The following ARHGEF3 variants were observed in gnomAD, a reference collection of about 807,000 sequenced individuals.
ARHGEF3 encodes Rho guanine nucleotide exchange factor 3.
ARHGEF3 carries 28 observed loss-of-function variants against 63.2 expected under a neutral mutation model. The ratio of observed to expected loss-of-function variants is 0.44; its 90% CI spans 0.33 to 0.61. The LOEUF is 0.61. Ranked by LOEUF, ARHGEF3 falls within the 20% of genes least tolerant of loss-of-function variation. The pLI is 0.03. For missense variants in ARHGEF3, 533 were observed against 659.3 expected (o/e 0.81, Z 2.10); for synonymous variants, 266 against 254.2 (o/e 1.05, Z -0.44).
chr3:56,727,669 A>T lies in ARHGEF3; in HGVS notation c.*1601T>A, dbSNP rs936834082. On this transcript the variant is annotated 3_prime_UTR_variant, in exon 10 of 10. Coordinates refer to ENST00000296315, the MANE Select transcript of ARHGEF3 (RefSeq NM_019555.3). ...CTCTGCTTCTGTCTGCAGCAGGTTC[A>T]CTTGCTGTATCAATAACGACTTGAG... The T allele has an allele frequency of 1.3e-5, 2 of 152,590 alleles. No individual in the cohort carries two copies. Among genetic ancestry groups the T allele is most frequent in the Admixed American group, 1.3e-4 (2 of 15,270 alleles). The allele number at this position is 152,590 out of a possible 1,614,324, so 9.5% of individuals were successfully genotyped here. A position where few individuals can be genotyped will look rare whatever the true frequency, so the allele number is the denominator to read the frequency against.
At chr3:56,869,631 GACAA>G (rs2040369393) in intron 4 of ARHGEF3, among the ~76,000 whole-genome samples, 1 of 152,146 alleles carries the variant, frequency 6.6e-6, no homozygotes, top group Non-Finnish European at 1.5e-5. Context: ...AAGAAAAACA[GACAA>G]ACAGCTTCTG....
intron 1 of ARHGEF3, among the ~76,000 whole-genome samples, chr3:56,801,189 C>A (rs368321013): frequency 1.3e-5 from 2 of 152,218 alleles, no homozygotes; most frequent in Non-Finnish European, 2.9e-5. Context: ...TAGGCAGAGG[C>A]GCTGTGTCCT....
intron 4 of ARHGEF3, among the ~76,000 whole-genome samples, chr3:56,830,800 C>T (rs1342049421): frequency 6.6e-6 from 1 of 152,192 alleles, no homozygotes; most frequent in Admixed American, 6.5e-5. Context: ...TCCTCTGCCA[C>T]CAAATCTCTG....
intron 2 of ARHGEF3, among the ~76,000 whole-genome samples, chr3:57,023,714 C>T (rs1229895667): frequency 2.0e-5 from 3 of 152,188 alleles, no homozygotes; most frequent in African/African-American, 7.2e-5. Flanking sequence ...ACACACTGCC[C>T]CTTCCACATG....
rs549886852 is a variant in ARHGEF3, at chr3:56,788,463, A to G, written c.96+13240T>C. On this transcript the variant is annotated intron_variant, in intron 1 of 9. Transcript: ENST00000296315. ...CAGGTCTCAATAAATATTTATGGAC[A>G]ATTAAAGAGCATTAGGGGTCATTTT... is the stretch of plus-strand genomic sequence containing the variant. 2.9e-4 allele frequency among the ~76,000 whole-genome samples: 44 copies of G among 152,346 alleles called. No individual in the cohort carries two copies. The South Asian group carries it at 8.7e-3, about 30-fold the overall frequency.
intron 4 of ARHGEF3, among the ~76,000 whole-genome samples, chr3:56,831,842 T>C (rs2038942303): frequency 6.6e-6 from 1 of 152,216 alleles, no homozygotes; most frequent in African/African-American, 2.4e-5. Flanking sequence ...CTTCCATTTT[T>C]TTCTGGACCT....
At chr3:56,929,215 T>A (rs142993632) in intron 3 of ARHGEF3, among the ~76,000 whole-genome samples, 1 of 152,160 alleles carries the variant, frequency 6.6e-6, no homozygotes, top group Non-Finnish European at 1.5e-5. Context: ...CCTCTTCTAC[T>A]CATTCTGAAC....
chr3:56,861,667 GGGTCGGAAAGGCCT>G (rs1378087699), intron 4 of ARHGEF3, among the ~76,000 whole-genome samples: 2 of 152,026 alleles, frequency 1.3e-5, no homozygotes, highest in Non-Finnish European at 2.9e-5. Context: ...CTGAGGGCTG[GGGTCGGAAAGGCCT>G]GGATCTGCTG....
At chr3:56,969,436 T>C (rs1215043355) in intron 2 of ARHGEF3, among the ~76,000 whole-genome samples, 1 of 152,166 alleles carries the variant, frequency 6.6e-6, no homozygotes, top group Non-Finnish European at 1.5e-5. Flanking sequence ...CATGTAGCAA[T>C]GTGTCTGGCA....
In ARHGEF3 at chr3:56,890,546, G is replaced by T. The variant is rs2041085963; in HGVS notation, c.130-8192C>A. 2.6e-5 allele frequency among the ~76,000 whole-genome samples: 4 copies of T among 152,208 alleles called. No homozygotes were observed. The South Asian group carries it at 8.3e-4, about 32-fold the overall frequency. ...TGATGTTGAGAGTCAGGCAGGGAGG[G>T]TATTAGAGATGGCAGGATCCTGCAG... is the stretch of plus-strand genomic sequence containing the variant. On this transcript the variant is annotated intron_variant, in intron 3 of 12. Coordinates refer to the ARHGEF3 transcript ENST00000338458.
intron 2 of ARHGEF3, among the ~76,000 whole-genome samples, chr3:57,028,553 GA>G (rs1703574485): frequency 1.0e-5 from 1 of 98,162 alleles, no homozygotes; most frequent in Admixed American, 1.1e-4. Context: ...GGGGTGGGGG[GA>G]GGGGGGAGGG....
intron 1 of ARHGEF3, among the ~76,000 whole-genome samples, chr3:57,075,926 C>T (rs1168904493): frequency 6.6e-6 from 1 of 152,236 alleles, no homozygotes; most frequent in Non-Finnish European, 1.5e-5. Flanking sequence ...GCAGACCTCA[C>T]TCCACCCATC....
At chr3:56,802,531 CCCGTATAACCA>C (rs534918083), upstream of ARHGEF3, among the ~76,000 whole-genome samples, 32 of 152,278 alleles carry the variant, frequency 2.1e-4, no homozygotes, top group South Asian at 6.2e-3. Context: ...AATGTAAACA[CCCGTATAACCA>C]CCTCCACAGT....
chr3:56,907,424 T>A (rs1354438751), intron 3 of ARHGEF3, among the ~76,000 whole-genome samples: 2 of 152,178 alleles, frequency 1.3e-5, no homozygotes, highest in Non-Finnish European at 2.9e-5. Context: ...GTTCAACCAT[T>A]ATGGAAATCA....
chr3:56,860,559 A>G lies in ARHGEF3; in HGVS notation c.192+21733T>C, dbSNP rs1312100187. Among the ~76,000 whole-genome samples, 3 of 152,260 alleles carry G rather than the reference A, an allele frequency of 2.0e-5. 1 individual carries two copies. In the East Asian group the frequency reaches 5.8e-4, roughly 29 times the overall value. On this transcript the variant is annotated intron_variant, in intron 4 of 12. Coordinates refer to the ARHGEF3 transcript ENST00000338458. ...AAAATATTCTGAGATATATGTAACC[A>G]GTATAATGTGAAGAGAAAATCACAG... is the stretch of plus-strand genomic sequence containing the variant.
chr3:56,848,504 G>T (rs1341811682), intron 4 of ARHGEF3, among the ~76,000 whole-genome samples: 2 of 152,048 alleles, frequency 1.3e-5, no homozygotes, highest in Non-Finnish European at 2.9e-5. Context: ...ATAAGCAAAG[G>T]ATCTGGTACT....
intron 1 of ARHGEF3, among the ~76,000 whole-genome samples, chr3:56,778,601 C>T (rs1446066716): frequency 2.0e-5 from 3 of 152,192 alleles, no homozygotes; most frequent in South Asian, 2.1e-4. Flanking sequence ...GGCACGATCA[C>T]GACTCACGGC....
chr3:56,987,127 C>A (rs1371818259), intron 2 of ARHGEF3, among the ~76,000 whole-genome samples: 1 of 152,148 alleles, frequency 6.6e-6, no homozygotes, highest in Non-Finnish European at 1.5e-5. Flanking sequence ...TGGGAGGATC[C>A]TTTGAGCCCA....
At chr3:56,759,318 C>T (rs1310144884) in intron 2 of ARHGEF3, among the ~76,000 whole-genome samples, 1 of 151,852 alleles carries the variant, frequency 6.6e-6, no homozygotes, top group Non-Finnish European at 1.5e-5. Context: ...GCTGGGACTA[C>T]AGGAGCCCGC....
Sources: allele counts gnomAD v4.1 joint callset (sites outside exome capture counted in the v4.1 genomes callset), GRCh38; gene constraint gnomAD v4.1.1; transcripts MANE v1.5; gene names NCBI Gene and HGNC (gene_info 2026-07-23, HGNC 2026-07-21).